ITSN1: variants seen among roughly 807,000 people sequenced by gnomAD.
ITSN1 encodes intersectin-1.
In ITSN1, 58 loss-of-function variants were observed where a neutral mutation model predicts 239.8. The observed-to-expected ratio is 0.24, with a 90% CI of 0.20 to 0.30. The LOEUF (loss-of-function observed/expected upper bound fraction) is 0.30, where lower values mean the gene tolerates loss of function less well. Ranked by LOEUF, ITSN1 falls within the 10% of genes least tolerant of loss-of-function variation. ITSN1 has a pLI of 1.00. For synonymous variants in ITSN1, 780 were observed against 770.8 expected (o/e 1.01, Z -0.20); for missense variants, 1,558 against 2,103.3 (o/e 0.74, Z 5.07).
intron 33 of ITSN1, among the ~76,000 whole-genome samples, chr21:33,873,487 G>A (rs986703425): frequency 6.6e-5 from 10 of 152,336 alleles, no homozygotes; most frequent in Non-Finnish European, 1.2e-4. Context: ...GCTTTGCCAA[G>A]AGGTCCACGT....
intron 4 of ITSN1, among the ~76,000 whole-genome samples, chr21:33,732,318 G>C (rs527668645): frequency 6.6e-6 from 1 of 152,284 alleles, no homozygotes; most frequent in Non-Finnish European, 1.5e-5. Context: ...AAAGGGAGGA[G>C]GGTATAATGA....
At chr21:33,663,059 A>G (rs1373303447) in intron 1 of ITSN1, among the ~76,000 whole-genome samples, 1 of 152,222 alleles carries the variant, frequency 6.6e-6, no homozygotes. Context: ...ATCAGTATAG[A>G]CACATCTCAG....
chr21:33,832,718 C>G (rs2148380673), intron 27 of ITSN1, among the ~76,000 whole-genome samples: 1 of 152,238 alleles, frequency 6.6e-6, no homozygotes, highest in Middle Eastern at 3.4e-3. Flanking sequence ...AACATAAAAG[C>G]TTTAGTCCTT....
intron 33 of ITSN1, among the ~76,000 whole-genome samples, chr21:33,874,591 G>A (rs764543688): frequency 1.9e-4 from 29 of 151,972 alleles, no homozygotes; most frequent in Non-Finnish European, 3.7e-4. Context: ...CCTGGGCTCT[G>A]CTCCTGGTCT....
intron 5 of ITSN1, 109 bp from the exon 6 acceptor site, chr21:33,750,034 A>G (rs2067441684): frequency 2.0e-6 from 2 of 1,011,854 alleles, no homozygotes; most frequent in Admixed American, 4.1e-5. Context: ...TTTAATTGGA[A>G]TATATTACAG....
chr21:33,717,289 C>T (rs865871199), intron 1 of ITSN1, among the ~76,000 whole-genome samples: 1 of 151,736 alleles, frequency 6.6e-6, no homozygotes, highest in Non-Finnish European at 1.5e-5. Context: ...CTTGACCTCC[C>T]GAGCTCAGGT....
intron 5 of ITSN1, chr21:33,735,412 A>G: frequency 1.6e-6 from 1 of 640,178 alleles, no homozygotes. Flanking sequence ...AATCAAAATG[A>G]AAGCAGAGAT....
Position 33,799,823 on chromosome 21 carries a change from C to A in ITSN1, c.2198C>A (p.Thr733Asn). The change falls in exon 19 of 40, where the codon ACC becomes AAC. Residue 733 changes from threonine (T) to asparagine (N), a missense_variant. Thr to Asn is a moderately conservative substitution (Grantham distance 65). Coordinates refer to ENST00000381318, the MANE Select transcript of ITSN1 (RefSeq NM_003024.3). Reference sequence around the variant, plus strand: ...TTGTAAACAGAAAAAGGTCCACTTACCATTTCTGCACAGGAAAATGTAAAA... The same window carrying A: ...TTGTAAACAGAAAAAGGTCCACTTAACATTTCTGCACAGGAAAATGTAAAA... ...PWSTAEKGPLTISAQENVKVV... is the reference protein window; with the variant it reads ...PWSTAEKGPLNISAQENVKVV... The A allele has an allele frequency of 6.2e-7, 1 of 1,613,826 alleles. No homozygotes were observed. The highest frequency in any genetic ancestry group is 1.1e-5 in the South Asian group (1 of 90,990).
At chr21:33,798,155 T>A (rs554599010) in intron 18 of ITSN1, among the ~76,000 whole-genome samples, 1 of 152,326 alleles carries the variant, frequency 6.6e-6, no homozygotes, top group Admixed American at 6.5e-5. Context: ...TAGAGTGCAG[T>A]GGCACACTCA....
chr21:33,842,668 A>T (rs1232464595), intron 29 of ITSN1, among the ~76,000 whole-genome samples: 1 of 152,170 alleles, frequency 6.6e-6, no homozygotes, highest in African/African-American at 2.4e-5. Context: ...GCAGAGGCTG[A>T]CAGCTGCTAT....
intron 1 of ITSN1, among the ~76,000 whole-genome samples, chr21:33,665,484 T>G (rs1338691297): frequency 6.6e-6 from 1 of 151,930 alleles, no homozygotes; most frequent in Non-Finnish European, 1.5e-5. Context: ...AAAAGGAAAA[T>G]AACAAGTATT....
At chr21:33,804,746 G>A (rs2072276566) in intron 20 of ITSN1, among the ~76,000 whole-genome samples, 1 of 152,140 alleles carries the variant, frequency 6.6e-6, no homozygotes, top group Admixed American at 6.5e-5. Flanking sequence ...GAGAACACAG[G>A]CTGAGTGTCT....
At chr21:33,871,843 C>T (rs1192956388) in intron 33 of ITSN1, among the ~76,000 whole-genome samples, 1 of 152,072 alleles carries the variant, frequency 6.6e-6, no homozygotes, top group Admixed American at 6.5e-5. Context: ...GCCAGGCTGG[C>T]TGGGGTTTGA....
At chr21:33,741,574 T>C (rs921739066) in intron 5 of ITSN1, among the ~76,000 whole-genome samples, 1 of 152,052 alleles carries the variant, frequency 6.6e-6, no homozygotes, top group East Asian at 1.9e-4. Context: ...TGTTGGATTT[T>C]CAGTGTCTAT....
At chr21:33,760,439 C>T (rs927369807) in intron 8 of ITSN1, among the ~76,000 whole-genome samples, 3 of 151,980 alleles carry the variant, frequency 2.0e-5, no homozygotes, top group Non-Finnish European at 4.4e-5. Context: ...CACATGTATC[C>T]GTATGTGTGC....
chr21:33,801,848 G>A (rs768165450), intron 19 of ITSN1, among the ~76,000 whole-genome samples: 4 of 152,160 alleles, frequency 2.6e-5, no homozygotes, highest in Non-Finnish European at 5.9e-5. Flanking sequence ...ACACACAAAT[G>A]GTAACTTGAG....
At chr21:33,843,552 A>G (rs1250793094) in intron 29 of ITSN1, among the ~76,000 whole-genome samples, 4 of 152,222 alleles carry the variant, frequency 2.6e-5, no homozygotes, top group Non-Finnish European at 5.9e-5. Context: ...CCAGAAAAAC[A>G]TGGTGCTGTA....
chr21:33,695,671 A>G (rs1434663578), intron 1 of ITSN1, among the ~76,000 whole-genome samples: 1 of 152,244 alleles, frequency 6.6e-6, no homozygotes, highest in Non-Finnish European at 1.5e-5. Flanking sequence ...TATTATGGGT[A>G]GAAGGTGAAC....
chr21:33,689,043 C>T (rs1415120417), intron 1 of ITSN1, among the ~76,000 whole-genome samples: 1 of 152,024 alleles, frequency 6.6e-6, no homozygotes, highest in Non-Finnish European at 1.5e-5. Context: ...GAACACCTGA[C>T]CTCAGGTGAT....
Sources: gnomAD v4.1 joint callset for allele counts (sites outside exome capture counted in the v4.1 genomes callset) on GRCh38, gnomAD v4.1.1 for gene constraint, MANE v1.5 for transcripts, NCBI Gene and HGNC (gene_info 2026-07-23, HGNC 2026-07-21) for gene names.